The following PHF24 variants were observed in gnomAD, a reference collection of about 807,000 sequenced individuals.
The protein encoded by PHF24 is PHD finger protein 24.
Under a neutral mutation model 42.6 loss-of-function variants are expected in PHF24, and 25 were observed. The ratio of observed to expected loss-of-function variants is 0.59; its 90% CI spans 0.43 to 0.82. The LOEUF is 0.82. Ranked by LOEUF, PHF24 falls within the 40% of genes least tolerant of loss-of-function variation. The probability of loss-of-function intolerance (pLI) is 0.00; values close to 1 mark genes in which losing one functional copy is unlikely to be tolerated. For missense variants in PHF24, 470 were observed against 538.1 expected (o/e 0.87, Z 1.25); for synonymous variants, 185 against 204.8 (o/e 0.90, Z 0.83).
chr9:34,691,847 CCTCTGGGG>C, the PHF24 span, among the ~76,000 whole-genome samples: 23 of 152,190 alleles, frequency 1.5e-4, no homozygotes, highest in Admixed American at 7.9e-4. Context: ...ACATCTCAGG[CCTCTGGGG>C]CTCAGCAAAC....
chr9:34,713,648 G>A, the PHF24 span, among the ~76,000 whole-genome samples: 1 of 151,598 alleles, frequency 6.6e-6, no homozygotes, highest in Admixed American at 6.6e-5. Flanking sequence ...ATGTTTTTCT[G>A]TAGTTTAATT....
In PHF24 at chr9:34,958,949, T is replaced by C. The variant is rs1826493188; in HGVS notation, c.-5+548T>C. 6.6e-6 allele frequency among the ~76,000 whole-genome samples: 1 copy of C among 152,198 alleles called. No individual in the cohort carries two copies. Among genetic ancestry groups the C allele is most frequent in the Non-Finnish European group, 1.5e-5 (1 of 68,030 alleles). On this transcript the variant is annotated intron_variant, in intron 1 of 7. Transcript: ENST00000242315. The surrounding 1 kb of genome is among the most constrained non-coding windows in gnomAD (Gnocchi z 4.5). Reference sequence around the variant, plus strand: ...GGACTTTGGCCTCCACCGGGATCCCTGTAGGGTTCCATGTGCCCTTACTTG... The same window carrying C: ...GGACTTTGGCCTCCACCGGGATCCCCGTAGGGTTCCATGTGCCCTTACTTG...
chr9:34,976,469 G>C, intron 4 of PHF24, 66 bp from the exon 5 acceptor site: 4 of 1,535,204 alleles, frequency 2.6e-6, no homozygotes, highest in African/African-American at 1.4e-5. Flanking sequence ...GGGTGCCCTG[G>C]AGGTGATGGA....
At chr9:34,788,153 G>A in the PHF24 span, among the ~76,000 whole-genome samples, 39 of 152,048 alleles carry the variant, frequency 2.6e-4, no homozygotes, top group Admixed American at 2.4e-3. Flanking sequence ...TCCTCCTGCC[G>A]CAGCCTCCTG....
At chr9:34,710,934 A>AT in the PHF24 span, among the ~76,000 whole-genome samples, 1 of 152,108 alleles carries the variant, frequency 6.6e-6, no homozygotes, top group African/African-American at 2.4e-5. Context: ...TAGCATAACC[A>AT]TTTTGATTCC....
chr9:34,675,770 A>G, the PHF24 span, among the ~76,000 whole-genome samples: 3 of 152,130 alleles, frequency 2.0e-5, no homozygotes, highest in African/African-American at 7.2e-5. Context: ...GGAGAAGCTC[A>G]GGAAACAAGG....
chr9:34,746,747 C>T, the PHF24 span, among the ~76,000 whole-genome samples: 5 of 152,134 alleles, frequency 3.3e-5, no homozygotes, highest in Non-Finnish European at 7.4e-5. Context: ...GCCCTGCTCC[C>T]AGAGACCTCA....
the PHF24 span, among the ~76,000 whole-genome samples, chr9:34,926,187 G>A: frequency 3.2e-3 from 484 of 152,366 alleles, 6 homozygotes; most frequent in Non-Finnish European, 4.5e-3. This position sits in a 1 kb window ranked among gnomAD's most constrained non-coding sequence, Gnocchi z 4.3. Flanking sequence ...TGTGCATATG[G>A]TGAGTTGGCC....
chr9:34,686,775 A>C, the PHF24 span, among the ~76,000 whole-genome samples: 1 of 152,198 alleles, frequency 6.6e-6, no homozygotes, highest in Non-Finnish European at 1.5e-5. Flanking sequence ...CAAGGCCTCC[A>C]CATCCTAACT....
At chr9:34,847,811 GC>G in the PHF24 span, among the ~76,000 whole-genome samples, 16 of 152,204 alleles carry the variant, frequency 1.1e-4, no homozygotes, top group African/African-American at 2.9e-4. Flanking sequence ...TTAGCATGAA[GC>G]GTTGTTGAAT....
At chr9:34,713,132 G>C in the PHF24 span, among the ~76,000 whole-genome samples, 5 of 151,988 alleles carry the variant, frequency 3.3e-5, no homozygotes, top group Admixed American at 6.5e-5. Flanking sequence ...TTTTTCAAAC[G>C]GTTTTTTGCA....
At chr9:34,949,309 C>T in the PHF24 span, among the ~76,000 whole-genome samples, 3 of 152,172 alleles carry the variant, frequency 2.0e-5, no homozygotes, top group East Asian at 1.9e-4. Context: ...TACCATCTCA[C>T]GCCAGTTAGA....
At chr9:34,703,140 A>G in the PHF24 span, among the ~76,000 whole-genome samples, 1 of 152,060 alleles carries the variant, frequency 6.6e-6, no homozygotes, top group Non-Finnish European at 1.5e-5. Flanking sequence ...GGCATGGTAG[A>G]GGATACCTAG....
At chr9:34,768,473 C>A in the PHF24 span, among the ~76,000 whole-genome samples, 1 of 152,028 alleles carries the variant, frequency 6.6e-6, no homozygotes, top group South Asian at 2.1e-4. Flanking sequence ...TTTTTTGTGA[C>A]CTTGGGCAAT....
chr9:34,691,754 CTA>C, the PHF24 span, among the ~76,000 whole-genome samples: 2 of 152,210 alleles, frequency 1.3e-5, no homozygotes, highest in Non-Finnish European at 2.9e-5. Flanking sequence ...TGCCTGCCCA[CTA>C]TGTGGGAACC....
At chr9:34,714,711 GC>G in the PHF24 span, among the ~76,000 whole-genome samples, 160 of 152,096 alleles carry the variant, frequency 1.1e-3, 5 homozygotes, top group Admixed American at 0.01. Flanking sequence ...CTGGAGTGAT[GC>G]CCCCTCTACC....
chr9:34,860,140 C>G, the PHF24 span, among the ~76,000 whole-genome samples: 7 of 152,220 alleles, frequency 4.6e-5, 1 homozygote, highest in African/African-American at 1.7e-4. Context: ...AGTCTAGAAA[C>G]TGTCTACGCT....
At chr9:34,914,099 A>G in the PHF24 span, among the ~76,000 whole-genome samples, 1 of 152,094 alleles carries the variant, frequency 6.6e-6, no homozygotes, top group Non-Finnish European at 1.5e-5. Context: ...CTACTAGTCT[A>G]TCTGTTTTTC....
chr9:34,882,606 G>A, the PHF24 span, among the ~76,000 whole-genome samples: 31,612 of 151,156 alleles, frequency 0.21, 3,443 homozygotes, highest in South Asian at 0.29. Context: ...GTGAACTCCT[G>A]TTCACAATTG....
Sources: allele counts gnomAD v4.1 joint callset (sites outside exome capture counted in the v4.1 genomes callset), GRCh38; gene constraint gnomAD v4.1.1; non-coding constraint Gnocchi (gnomAD v3.1); transcripts MANE v1.5; gene names NCBI Gene and HGNC (gene_info 2026-07-23, HGNC 2026-07-21).